The following RAP1GAP variants were observed in gnomAD, a reference collection of about 807,000 sequenced individuals.
RAP1GAP encodes rap1 GTPase-activating protein 1.
RAP1GAP carries 35 observed loss-of-function variants against 87.2 expected under a neutral mutation model. The ratio of observed to expected loss-of-function variants is 0.40; its 90% CI spans 0.31 to 0.53. RAP1GAP has a LOEUF of 0.53. Among genes scored for constraint, RAP1GAP ranks in the 20% least tolerant of loss-of-function variants. RAP1GAP has a pLI of 0.48. For synonymous variants in RAP1GAP, 375 were observed against 363.9 expected (o/e 1.03, Z -0.35); for missense variants, 734 against 898.9 (o/e 0.82, Z 2.35).
chr1:21,610,197 T>C lies in RAP1GAP; in HGVS notation c.922A>G (p.Met308Val), dbSNP rs1427683623. ...QDENTPFVPDMIASNFLHAYV... is the reference protein window; with the variant it reads ...QDENTPFVPDVIASNFLHAYV... ...GCATGCAGGAAGTTGGACGCGATCA[T>C]GTCGGGCACGAAAGGAGTGTTCTCA... The change falls in exon 14 of 25, where the codon ATG becomes GTG. Residue 308 changes from methionine (M) to valine (V), a missense_variant. Met to Val is a conservative substitution (Grantham distance 21). Coordinates refer to ENST00000374765, the MANE Select transcript of RAP1GAP (RefSeq NM_002885.4). 2 of 1,614,132 alleles carry C rather than the reference T, an allele frequency of 1.2e-6. No homozygotes were observed. The highest frequency in any genetic ancestry group is 1.7e-6 in the Non-Finnish European group (2 of 1,180,018).
intron 21 of RAP1GAP, among the ~76,000 whole-genome samples, chr1:21,598,989 C>T (rs1253117794): frequency 4.6e-5 from 7 of 152,222 alleles, no homozygotes; most frequent in African/African-American, 1.4e-4. Context: ...GGGCAAAGCC[C>T]GAGGACTGTG....
chr1:21,631,000 T>C (rs921228257), intron 2 of RAP1GAP, among the ~76,000 whole-genome samples: 3 of 150,956 alleles, frequency 2.0e-5, no homozygotes, highest in Admixed American at 6.6e-5. Context: ...ACCCCTCCAA[T>C]CCCCTTCTTC....
intron 2 of RAP1GAP, among the ~76,000 whole-genome samples, chr1:21,638,179 C>T (rs974701738): frequency 6.6e-6 from 1 of 150,604 alleles, no homozygotes; most frequent in African/African-American, 2.4e-5. Context: ...AAAAAAAGGC[C>T]GGGCATGGTG....
intron 18 of RAP1GAP, among the ~76,000 whole-genome samples, chr1:21,605,156 C>G (rs750775438): frequency 6.6e-6 from 1 of 152,056 alleles, no homozygotes; most frequent in Non-Finnish European, 1.5e-5. Context: ...AGGCCCACAG[C>G]CATAGGCCGT....
intron 17 of RAP1GAP, among the ~76,000 whole-genome samples, chr1:21,606,726 G>A (rs2074899411): frequency 1.3e-5 from 2 of 152,174 alleles, no homozygotes; most frequent in East Asian, 1.9e-4. Context: ...TGGGACCAGC[G>A]CTTTACAATC....
At position 21,609,600 on chromosome 1, in the gene RAP1GAP, AG is replaced by A. The variant is rs753793537; in HGVS notation, c.1045del (p.Leu349SerfsTer18). On this transcript the variant is annotated frameshift_variant, in exon 15 of 25. Coordinates refer to ENST00000374765, the MANE Select transcript of RAP1GAP (RefSeq NM_002885.4). LOFTEE classifies it high-confidence loss of function. This position sits in a 1 kb window ranked among gnomAD's most constrained non-coding sequence, Gnocchi z 4.4. ...RDDVPFFGPP[L>X]PDPAVFRKGP... The stretch of plus-strand genomic sequence containing the variant: ...CTTCCTGAACACAGCGGGGTCCGGG[AG>A]GGGGGGTCCAAAGAAGGGCACATCA... 15 of 1,572,036 alleles carry A rather than the reference AG, an allele frequency of 9.5e-6. No homozygotes were observed. The highest frequency in any genetic ancestry group is 3.5e-5 in the Admixed American group (2 of 56,496).
chr1:21,621,759 T>G (rs546709822), intron 3 of RAP1GAP, among the ~76,000 whole-genome samples: 1 of 152,112 alleles, frequency 6.6e-6, no homozygotes, highest in Admixed American at 6.5e-5. Flanking sequence ...TGATGATGGG[T>G]GCATTAATGT....
chr1:21,625,037 C>T (rs1365244094), intron 3 of RAP1GAP, among the ~76,000 whole-genome samples: 2 of 152,210 alleles, frequency 1.3e-5, no homozygotes, highest in African/African-American at 4.8e-5. Context: ...TCCTGCCAAG[C>T]CCCGGATCCA....
intron 18 of RAP1GAP, 64 bp from the exon 19 acceptor site, chr1:21,602,977 C>T (rs2070235061): frequency 5.7e-6 from 7 of 1,232,640 alleles, no homozygotes; most frequent in Non-Finnish European, 6.9e-6. Context: ...CCCCCACATC[C>T]CCTCTGGGGA....
Position 21,668,085 on chromosome 1 carries a change from G to A in RAP1GAP, c.-149+1169C>T, listed in dbSNP as rs1020020113. ...CAGGGACACCTTTGGCCAATGTTCT[G>A]TTTCATCTGCGAGGCAACCTTCCCC... On this transcript the variant is annotated intron_variant, in intron 1 of 24. Transcript: ENST00000374765. This position sits in a 1 kb window ranked among gnomAD's most constrained non-coding sequence, Gnocchi z 6.2. 1.3e-5 allele frequency among the ~76,000 whole-genome samples: 2 copies of A among 152,162 alleles called. No individual in the cohort carries two copies. The highest frequency in any genetic ancestry group is 2.9e-5 in the Non-Finnish European group (2 of 68,036).
At chr1:21,660,339 C>CTATTTATATATATGTATATA (rs563814821) in intron 1 of RAP1GAP, among the ~76,000 whole-genome samples, 760 of 52,854 alleles carry the variant, frequency 0.014, 82 homozygotes, top group African/African-American at 0.04. Context: ...TCCAACTCAG[C>CTATTTATATATATGTATATA]TATATATATT....
intron 13 of RAP1GAP, 72 bp downstream of exon 13, chr1:21,611,380 T>TG: frequency 9.8e-6 from 15 of 1,537,314 alleles, no homozygotes; most frequent in Non-Finnish European, 1.3e-5. Context: ...CCTGGCGTGA[T>TG]GGAGGCTGAA....
chr1:21,638,497 C>T (rs541776125), intron 2 of RAP1GAP, among the ~76,000 whole-genome samples: 1 of 150,706 alleles, frequency 6.6e-6, no homozygotes, highest in East Asian at 1.9e-4. Context: ...GGGCTTGCTG[C>T]GTATGGGACC....
At position 21,609,871 on chromosome 1, in the gene RAP1GAP, G is replaced by A. The variant is rs2077138116; in HGVS notation, c.1000-225C>T. Reference sequence around the variant, plus strand: ...CCTTAGGAATCATCGGGATGGTGAAGGCAGAGGAGGCTACGGGAGGTGGAG... The same window carrying A: ...CCTTAGGAATCATCGGGATGGTGAAAGCAGAGGAGGCTACGGGAGGTGGAG... On this transcript the variant is annotated intron_variant, in intron 14 of 24. Coordinates refer to ENST00000374765, the MANE Select transcript of RAP1GAP (RefSeq NM_002885.4). The surrounding 1 kb of genome is among the most constrained non-coding windows in gnomAD (Gnocchi z 4.4). 6.6e-6 allele frequency among the ~76,000 whole-genome samples: 1 copy of A among 152,206 alleles called. No homozygotes were observed. Among genetic ancestry groups the A allele is most frequent in the Admixed American group, 6.5e-5 (1 of 15,278 alleles).
At chr1:21,601,452 G>A (rs964878834) in intron 20 of RAP1GAP, among the ~76,000 whole-genome samples, 2 of 152,240 alleles carry the variant, frequency 1.3e-5, no homozygotes, top group Non-Finnish European at 1.5e-5. Flanking sequence ...GCCGTGAGGC[G>A]GGGACCTATG....
intron 1 of RAP1GAP, among the ~76,000 whole-genome samples, chr1:21,663,145 G>T (rs1418310292): frequency 6.6e-6 from 1 of 152,218 alleles, no homozygotes; most frequent in Non-Finnish European, 1.5e-5. Context: ...TGGGCTTTGG[G>T]GACTCGGACA....
chr1:21,641,543 A>C (rs1346633442), intron 2 of RAP1GAP, among the ~76,000 whole-genome samples: 5 of 152,164 alleles, frequency 3.3e-5, no homozygotes, highest in Non-Finnish European at 7.3e-5. Flanking sequence ...GGAGGATAAC[A>C]TGCGTGAAGC....
chr1:21,660,339 C>CCATATATATATATATATATATATATA (rs1553503814), intron 1 of RAP1GAP, among the ~76,000 whole-genome samples: 10 of 52,850 alleles, frequency 1.9e-4, no homozygotes, highest in Admixed American at 5.3e-4. Flanking sequence ...TCCAACTCAG[C>CCATATATATATATATATATATATATA]TATATATATT....
chr1:21,652,183 C>G lies in RAP1GAP; in HGVS notation c.-148-2387G>C, dbSNP rs185951801. On this transcript the variant is annotated intron_variant, in intron 1 of 24. Coordinates refer to ENST00000374765, the MANE Select transcript of RAP1GAP (RefSeq NM_002885.4). Reference sequence around the variant, plus strand: ...GACGCCCTCCTCCCGCCCCCTCGAGCCGCCGCGCTCCTCGGCGGATCCGTC... The same window carrying G: ...GACGCCCTCCTCCCGCCCCCTCGAGGCGCCGCGCTCCTCGGCGGATCCGTC... Among the ~76,000 whole-genome samples the G allele has an allele frequency of 9.7e-4, 145 of 149,864 alleles. 1 individual carries two copies. In the East Asian group the frequency reaches 0.018, roughly 19 times the overall value.
Sources: gnomAD v4.1 joint callset for allele counts (sites outside exome capture counted in the v4.1 genomes callset) on GRCh38, gnomAD v4.1.1 for gene constraint, Gnocchi (gnomAD v3.1) non-coding constraint, MANE v1.5 for transcripts, NCBI Gene and HGNC (gene_info 2026-07-23, HGNC 2026-07-21) for gene names.